Variants in NRN1L observed in about 807,000 individuals in gnomAD.
NRN1L encodes neuritin 1 like, also known as neuritin-like protein.
Under a neutral mutation model 8.8 loss-of-function variants are expected in NRN1L, and 12 were observed. That is an observed-to-expected ratio of 1.36 (90% CI 0.87 to 2.20). The LOEUF (loss-of-function observed/expected upper bound fraction) is 2.20, where lower values mean the gene tolerates loss of function less well. Among genes scored for constraint, NRN1L ranks in the 30% most tolerant of loss-of-function variants. The pLI, the probability that NRN1L is intolerant of heterozygous loss-of-function variation, is 0.00. For missense variants in NRN1L, 266 were observed against 232.4 expected (o/e 1.14, Z -0.94); for synonymous variants, 114 against 99.2 (o/e 1.15, Z -0.88).
intron 1 of NRN1L, 58 bp from the exon 2 acceptor site, chr16:67,885,664 G>A (rs2058092476): frequency 7.2e-7 from 1 of 1,380,450 alleles, no homozygotes; most frequent in Non-Finnish European, 9.8e-7. Context: ...GCTGGGGGAT[G>A]AGCCTGGCTC....
At chr16:67,886,673 C>T (rs2058097674), downstream of NRN1L, among the ~76,000 whole-genome samples, 2 of 152,154 alleles carry the variant, frequency 1.3e-5, no homozygotes, top group Admixed American at 1.3e-4. Context: ...CACTGCCTAC[C>T]CCTTCTATCC....
At chr16:67,886,620 G>C (rs901244931), downstream of NRN1L, among the ~76,000 whole-genome samples, 1 of 152,170 alleles carries the variant, frequency 6.6e-6, no homozygotes, top group African/African-American at 2.4e-5. Context: ...CTTCCTGTGC[G>C]GGTTGAGATC....
At position 67,886,111 on chromosome 16, in the gene NRN1L, C is replaced by T. The variant is rs745469040; in HGVS notation, c.350C>T (p.Ala117Val). 5.0e-6 allele frequency: 8 copies of T among 1,612,996 alleles called. No individual in the cohort carries two copies. The South Asian group carries it at 8.8e-5, about 18-fold the overall frequency. Reference sequence around the variant, plus strand: ...AATAACTTGCACACTCTGTGCGGTGCCCCGGTGCATGTTCGGGAGCGCGGC... The same window carrying T: ...AATAACTTGCACACTCTGTGCGGTGTCCCGGTGCATGTTCGGGAGCGCGGC... ...RPNNLHTLCG[A>V]PVHVRERGTG... Residue 117 changes from alanine (A) to valine (V), a missense_variant, in exon 3 of 3, where the codon GCC becomes GTC. Ala to Val is a moderately conservative substitution (Grantham distance 64). Coordinates refer to ENST00000339176, the MANE Select transcript of NRN1L (RefSeq NM_198443.2).
Position 67,886,320 on chromosome 16 carries a change from G to C in NRN1L, c.*61G>C. 1.5e-6 allele frequency: 2 copies of C among 1,377,896 alleles called. No individual in the cohort carries two copies. The highest frequency in any genetic ancestry group is 2.7e-5 in the South Asian group (2 of 73,512). The allele number at this position is 1,377,896 out of a possible 1,614,324, so 85.4% of individuals were successfully genotyped here. On this transcript the variant is annotated 3_prime_UTR_variant, in exon 3 of 3. Coordinates refer to ENST00000339176, the MANE Select transcript of NRN1L (RefSeq NM_198443.2). ...CCCTGCTCTGGCGGTGGTTGTCCAG[G>C]CTCTGCAGAGCGCAGCAGGGCTTTT...
chr16:67,886,653 G>A (rs1418469475), downstream of NRN1L, among the ~76,000 whole-genome samples: 1 of 152,154 alleles, frequency 6.6e-6, no homozygotes, highest in Non-Finnish European at 1.5e-5. Context: ...TCTCAGCCCT[G>A]CACTCCTAGC....
At chr16:67,885,899 G>A (rs781276209) in intron 2 of NRN1L, 45 bp downstream of exon 2, 16 of 1,576,574 alleles carry the variant, frequency 1.0e-5, no homozygotes, top group Non-Finnish European at 1.2e-5. Context: ...GCCACCATTG[G>A]GGACTGAACC....
intron 1 of NRN1L, 24 bp from the exon 2 acceptor site, chr16:67,885,698 A>ACAGCCCCTTAAAACACCACG: frequency 1.5e-6 from 1 of 680,416 alleles, no homozygotes; most frequent in Non-Finnish European, 2.4e-6. Context: ...TTCCTTCCCC[A>ACAGCCCCTTAAAACACCACG]CCCCACCCCC....
At position 67,885,577 on chromosome 16, in the gene NRN1L, C is replaced by T. The variant is rs1283880599; in HGVS notation, c.80-145C>T. 13 of 624,272 alleles carry T rather than the reference C, an allele frequency of 2.1e-5. No homozygotes were observed. The Admixed American group carries it at 4.5e-4, about 21-fold the overall frequency. The allele number at this position is 624,272 out of a possible 1,614,324, so 38.7% of individuals were successfully genotyped here. A position where few individuals can be genotyped will look rare whatever the true frequency, so the allele number is the denominator to read the frequency against. On this transcript the variant is annotated intron_variant, in intron 1 of 2. Coordinates refer to ENST00000339176, the MANE Select transcript of NRN1L (RefSeq NM_198443.2). Reference sequence around the variant, plus strand: ...CCTGGGTAGGTAATCCCCAGACTTGCCCTTTAGTTCCCTGGGGCACCCTTT... The same window carrying T: ...CCTGGGTAGGTAATCCCCAGACTTGTCCTTTAGTTCCCTGGGGCACCCTTT...
downstream of NRN1L, among the ~76,000 whole-genome samples, chr16:67,886,711 G>A (rs957985111): frequency 6.6e-6 from 1 of 152,194 alleles, no homozygotes; most frequent in Non-Finnish European, 1.5e-5. Context: ...GTGAGCTGGT[G>A]AAGTGCCCTT....
rs754579191 is a variant in NRN1L, at chr16:67,886,307, G to A, written c.*48G>A. 44 of 1,488,698 alleles carry A rather than the reference G, an allele frequency of 3.0e-5. No individual in the cohort carries two copies. Among genetic ancestry groups the A allele is most frequent in the African/African-American group, 1.3e-4 (9 of 71,616 alleles). The allele number at this position is 1,488,698 out of a possible 1,614,324, so 92.2% of individuals were successfully genotyped here. A position where few individuals can be genotyped will look rare whatever the true frequency, so the allele number is the denominator to read the frequency against. On this transcript the variant is annotated 3_prime_UTR_variant, in exon 3 of 3. Coordinates refer to ENST00000339176, the MANE Select transcript of NRN1L (RefSeq NM_198443.2). The stretch of plus-strand genomic sequence containing the variant: ...CCCGTACCTCCAGCCCTGCTCTGGC[G>A]GTGGTTGTCCAGGCTCTGCAGAGCG...
At position 67,884,965 on chromosome 16, in the gene NRN1L, T is replaced by C. The variant is rs1443175766; in HGVS notation, c.62T>C (p.Leu21Ser). The change falls in exon 1 of 3, where the codon TTG becomes TCG. Residue 21 changes from leucine to serine, a missense_variant. Transcript: ENST00000339176. This position sits in a 1 kb window ranked among gnomAD's most constrained non-coding sequence, Gnocchi z 4.1. ...CRQPPHALRP[L>S]LLLPLVLLPP... ...CAACCACCCCATGCCCTGAGGCCGT[T>C]GCTGTTGCTGCCCCTCGGTGAGTGC... The C allele has an allele frequency of 5.0e-6, 8 of 1,608,290 alleles. No individual in the cohort carries two copies. The highest frequency in any genetic ancestry group is 6.8e-6 in the Non-Finnish European group (8 of 1,179,760).
Position 67,886,314 on chromosome 16 carries a change from G to A in NRN1L, c.*55G>A. On this transcript the variant is annotated 3_prime_UTR_variant, in exon 3 of 3. Transcript: ENST00000339176. ...CTCCAGCCCTGCTCTGGCGGTGGTT[G>A]TCCAGGCTCTGCAGAGCGCAGCAGG... is the stretch of plus-strand genomic sequence containing the variant. 6.9e-7 allele frequency: 1 copy of A among 1,454,520 alleles called. No individual in the cohort carries two copies. Among genetic ancestry groups the A allele is most frequent in the South Asian group, 1.3e-5 (1 of 77,458 alleles). 90.1% of individuals were successfully genotyped at this position (1,454,520 alleles called of 1,614,324 possible).
At chr16:67,885,014 C>A in intron 1 of NRN1L, 32 bp downstream of exon 1, 1 of 1,579,598 alleles carries the variant, frequency 6.3e-7, no homozygotes, top group Non-Finnish European at 8.6e-7. Flanking sequence ...CCGGGCCACA[C>A]CCCCTTCTCG....
Position 67,886,153 on chromosome 16 carries a change from A to G in NRN1L, c.392A>G (p.Asn131Ser), listed in dbSNP as rs745664638. The change falls in exon 3 of 3, where the codon AAC becomes AGC. Residue 131 changes from asparagine to serine, a missense_variant. Asn to Ser is a conservative substitution (Grantham distance 46). Transcript: ENST00000339176. ...VRERGTGSET[N>S]QETLRATAPA... Reference sequence around the variant, plus strand: ...GAGCGCGGCACAGGCTCCGAAACCAACCAGGAGACGCTGCGGGCTACAGCG... The same window carrying G: ...GAGCGCGGCACAGGCTCCGAAACCAGCCAGGAGACGCTGCGGGCTACAGCG... 74 of 1,610,002 alleles carry G rather than the reference A, an allele frequency of 4.6e-5. No individual in the cohort carries two copies. Among genetic ancestry groups the G allele is most frequent in the Non-Finnish European group, 6.1e-5 (72 of 1,179,662 alleles).
chr16:67,885,941 C>T, intron 2 of NRN1L, 33 bp from the exon 3 acceptor site: 1 of 1,605,162 alleles, frequency 6.2e-7, no homozygotes, highest in East Asian at 2.2e-5. Context: ...CTCCTTGCCT[C>T]ACCTAATCCC....
At position 67,886,202 on chromosome 16, in the gene NRN1L, G is replaced by GC; in HGVS notation, c.446dup (p.Leu150ThrfsTer23). The GC allele has an allele frequency of 6.2e-7, 1 of 1,601,878 alleles. No individual in the cohort carries two copies. The highest frequency in any genetic ancestry group is 8.5e-7 in the Non-Finnish European group (1 of 1,179,146). Reference sequence around the variant, plus strand: ...CGCCTGCACTCCCCATGGCCCCTGCGCCCCCACTGCTGGCGGCTGCTCTGG... The same window carrying GC: ...CGCCTGCACTCCCCATGGCCCCTGCGCCCCCCACTGCTGGCGGCTGCTCTGG... On this transcript the variant is annotated frameshift_variant, in exon 3 of 3. Coordinates refer to ENST00000339176, the MANE Select transcript of NRN1L (RefSeq NM_198443.2). LOFTEE classifies it high-confidence loss of function.
rs1334369152 is a variant in NRN1L, at chr16:67,886,313, T to C, written c.*54T>C. On this transcript the variant is annotated 3_prime_UTR_variant, in exon 3 of 3. Coordinates refer to ENST00000339176, the MANE Select transcript of NRN1L (RefSeq NM_198443.2). ...CCTCCAGCCCTGCTCTGGCGGTGGT[T>C]GTCCAGGCTCTGCAGAGCGCAGCAG... The C allele has an allele frequency of 4.1e-6, 6 of 1,456,426 alleles. No individual in the cohort carries two copies. 90.2% of individuals were successfully genotyped at this position (1,456,426 alleles called of 1,614,324 possible).
In NRN1L at chr16:67,885,835, G is replaced by A. The variant is rs1161334361; in HGVS notation, c.193G>A (p.Glu65Lys). Residue 65 changes from glutamate (E) to lysine (K), a missense_variant, in exon 2 of 3, where the codon GAG (glutamate) becomes AAG (lysine). By Grantham distance (56) the Glu-to-Lys change is moderately conservative. Coordinates refer to ENST00000339176, the MANE Select transcript of NRN1L (RefSeq NM_198443.2). ...RLGDSMGRGGELETICRSWND... is the reference protein window; with the variant it reads ...RLGDSMGRGGKLETICRSWND... ...GGGGGACAGCATGGGCCGCGGAGGC[G>A]AGCTGGAGACCATCTGCAGGTACCG... The A allele has an allele frequency of 6.3e-6, 10 of 1,577,456 alleles. No individual in the cohort carries two copies. Among genetic ancestry groups the A allele is most frequent in the African/African-American group, 1.4e-5 (1 of 73,908 alleles).
Sources: gnomAD v4.1 joint callset for allele counts (sites outside exome capture counted in the v4.1 genomes callset) on GRCh38, gnomAD v4.1.1 for gene constraint, Gnocchi (gnomAD v3.1) non-coding constraint, MANE v1.5 for transcripts, NCBI Gene and HGNC (gene_info 2026-07-23, HGNC 2026-07-21) for gene names.